The following SLC35F4 variants were observed in gnomAD, a reference collection of about 807,000 sequenced individuals.
SLC35F4 encodes solute carrier family 35 member F4.
In SLC35F4, 24 loss-of-function variants were observed where a neutral mutation model predicts 44.2. The ratio of observed to expected loss-of-function variants is 0.54; its 90% confidence interval spans 0.39 to 0.76. SLC35F4 has a LOEUF of 0.76. Among genes scored for constraint, SLC35F4 ranks in the 30% least tolerant of loss-of-function variants. The pLI is 0.00. For synonymous variants in SLC35F4, 238 were observed against 223.6 expected, an observed-to-expected ratio of 1.06 and a Z score of -0.57; for missense variants, 562 against 586.1, an observed-to-expected ratio of 0.96 and a Z score of 0.42.
chr14:57,742,669 C>T (rs2076643546), intron 1 of SLC35F4, among the ~76,000 whole-genome samples: 1 of 152,114 alleles, frequency 6.6e-6, no homozygotes, highest in Non-Finnish European at 1.5e-5. Context: ...ATCAACAAGA[C>T]AGAAATTTAA....
intron 6 of SLC35F4, 145 bp from the exon 7 acceptor site, chr14:57,566,709 C>T (rs192183269): frequency 2.8e-6 from 2 of 726,782 alleles, no homozygotes; most frequent in Admixed American, 2.3e-5. Context: ...GAGATGGATG[C>T]ATGTGTATTC....
chr14:57,871,056 C>T (rs1888287883), upstream of SLC35F4, among the ~76,000 whole-genome samples: 2 of 152,216 alleles, frequency 1.3e-5, no homozygotes, highest in Non-Finnish European at 2.9e-5. Flanking sequence ...GGGAGGCACT[C>T]AGGTCCTGCT....
intron 1 of SLC35F4, among the ~76,000 whole-genome samples, chr14:57,667,061 G>C (rs1028314770): frequency 6.6e-6 from 1 of 151,564 alleles, no homozygotes; most frequent in Non-Finnish European, 1.5e-5. Flanking sequence ...TAGGCCTTCC[G>C]GGAAGAGAAG....
chr14:57,589,171 A>G (rs765409198), intron 3 of SLC35F4, 45 bp downstream of exon 3: 4 of 1,531,766 alleles, frequency 2.6e-6, no homozygotes, highest in African/African-American at 2.8e-5. Context: ...TATTTTCATA[A>G]AACATTTCAA....
intron 1 of SLC35F4, among the ~76,000 whole-genome samples, chr14:57,702,823 T>C (rs1419005919): frequency 1.3e-5 from 2 of 152,130 alleles, no homozygotes; most frequent in African/African-American, 4.8e-5. Flanking sequence ...TGAGTATATT[T>C]AGGCATATAA....
chr14:57,797,313 T>TA (rs772526950), intron 1 of SLC35F4, among the ~76,000 whole-genome samples: 10 of 152,200 alleles, frequency 6.6e-5, no homozygotes, highest in Non-Finnish European at 1.2e-4. Flanking sequence ...ATTCTGTTTT[T>TA]AGCATTTCCA....
At chr14:57,949,600 T>G (rs1438032876) in intron 1 of SLC35F4, among the ~76,000 whole-genome samples, 1 of 152,176 alleles carries the variant, frequency 6.6e-6, no homozygotes. Flanking sequence ...TTTTTTTCAT[T>G]GTGTTATTGT....
At chr14:57,720,255 T>G (rs1358131563) in intron 1 of SLC35F4, among the ~76,000 whole-genome samples, 4 of 152,212 alleles carry the variant, frequency 2.6e-5, no homozygotes, top group African/African-American at 9.6e-5. Flanking sequence ...TGATAATTTT[T>G]GCATCACTAT....
intron 1 of SLC35F4, among the ~76,000 whole-genome samples, chr14:57,654,453 C>T (rs34261212): frequency 0.17 from 25,583 of 152,126 alleles, 2,936 homozygotes; most frequent in African/African-American, 0.33. Flanking sequence ...TAGTATTCCA[C>T]AGTGTATATA....
intron 1 of SLC35F4, among the ~76,000 whole-genome samples, chr14:57,709,865 G>C (rs1395780893): frequency 3.9e-5 from 6 of 152,166 alleles, no homozygotes; most frequent in Admixed American, 1.3e-4. Context: ...GTTTGGAATG[G>C]GAACTTATGT....
At chr14:57,783,749 G>C (rs1318176293) in intron 1 of SLC35F4, among the ~76,000 whole-genome samples, 1 of 152,104 alleles carries the variant, frequency 6.6e-6, no homozygotes, top group African/African-American at 2.4e-5. Context: ...AGAATCTCAT[G>C]AGTTCAAAAA....
chr14:57,974,040 A>G (rs1881135900), downstream of SLC35F4, among the ~76,000 whole-genome samples: 2 of 152,146 alleles, frequency 1.3e-5, no homozygotes, highest in Non-Finnish European at 2.9e-5. Flanking sequence ...ATTAAATTTT[A>G]TGATTTTCTG....
At chr14:57,693,176 A>G (rs1280776050) in intron 1 of SLC35F4, among the ~76,000 whole-genome samples, 1 of 152,240 alleles carries the variant, frequency 6.6e-6, no homozygotes, top group South Asian at 2.1e-4. Flanking sequence ...AATTCATTTT[A>G]CAATGTGTAT....
chr14:57,610,269 G>T (rs1233296553), intron 1 of SLC35F4, among the ~76,000 whole-genome samples: 1 of 152,106 alleles, frequency 6.6e-6, no homozygotes, highest in Non-Finnish European at 1.5e-5. Context: ...CTAATATAAT[G>T]ACAAATCCTG....
chr14:57,661,722 A>G (rs1183098979), intron 1 of SLC35F4, among the ~76,000 whole-genome samples: 1 of 152,244 alleles, frequency 6.6e-6, no homozygotes, highest in African/African-American at 2.4e-5. Flanking sequence ...TTCTAGAGCT[A>G]TGATTCTCAA....
chr14:57,756,794 G>A (rs1031065479), intron 1 of SLC35F4, among the ~76,000 whole-genome samples: 18 of 151,580 alleles, frequency 1.2e-4, no homozygotes, highest in African/African-American at 1.2e-4. Context: ...AGTTGGGACC[G>A]CAGGCATGCA....
intron 1 of SLC35F4, among the ~76,000 whole-genome samples, chr14:57,614,260 G>A (rs2071678619): frequency 6.6e-6 from 1 of 152,214 alleles, no homozygotes; most frequent in Non-Finnish European, 1.5e-5. Context: ...GTTAGTGATT[G>A]AGGAAAAGCA....
intron 1 of SLC35F4, among the ~76,000 whole-genome samples, chr14:57,608,873 C>A (rs1703444): frequency 0.35 from 52,629 of 150,132 alleles, 10,022 homozygotes; most frequent in Admixed American, 0.45. Context: ...GGCCATGGTA[C>A]AAATGTGACT....
intron 1 of SLC35F4, among the ~76,000 whole-genome samples, chr14:57,954,287 GA>G (rs932062183): frequency 1.4e-4 from 21 of 152,158 alleles, no homozygotes; most frequent in African/African-American, 5.1e-4. Flanking sequence ...GTGTTTAAGG[GA>G]AATTTATAGC....
Sources: allele counts gnomAD v4.1 joint callset (sites outside exome capture counted in the v4.1 genomes callset), GRCh38; gene constraint gnomAD v4.1.1; transcripts MANE v1.5; gene names NCBI Gene and HGNC (gene_info 2026-07-23, HGNC 2026-07-21).